FSTL5: variants seen among roughly 807,000 people sequenced by gnomAD.
FSTL5 encodes follistatin like 5, also known as follistatin-related protein 5.
FSTL5 carries 62 observed loss-of-function variants against 89.1 expected under a neutral mutation model. The observed-to-expected ratio is 0.70, with a 90% CI of 0.57 to 0.86. The LOEUF is 0.86. FSTL5 is among the 40% of genes least tolerant of loss of function. The pLI is 0.00. For missense variants in FSTL5, 1,057 were observed against 1,001.6 expected, an observed-to-expected ratio of 1.06 and a Z score of -0.75; for synonymous variants, 383 against 346.2, an observed-to-expected ratio of 1.11 and a Z score of -1.18.
chr4:161,563,565 T>C (rs891082390), intron 8 of FSTL5, among the ~76,000 whole-genome samples: 1 of 151,938 alleles, frequency 6.6e-6, no homozygotes, highest in Admixed American at 6.6e-5. Context: ...TTCTTTATTA[T>C]TATTTCTGCT....
intron 3 of FSTL5, among the ~76,000 whole-genome samples, chr4:161,965,610 A>G (rs1374981078): frequency 6.6e-6 from 1 of 152,100 alleles, no homozygotes; most frequent in Non-Finnish European, 1.5e-5. Flanking sequence ...CTACAAATCT[A>G]CAGTGGAAGC....
At chr4:162,131,103 T>C (rs562633856) in intron 1 of FSTL5, among the ~76,000 whole-genome samples, 1 of 152,334 alleles carries the variant, frequency 6.6e-6, no homozygotes, top group South Asian at 2.1e-4. Flanking sequence ...AATGGGTTTA[T>C]AGATCATTGT....
At chr4:161,995,063 A>G (rs1375698055) in intron 3 of FSTL5, among the ~76,000 whole-genome samples, 3 of 152,206 alleles carry the variant, frequency 2.0e-5, no homozygotes, top group South Asian at 2.1e-4. Flanking sequence ...ATTTTTGCAT[A>G]TGGTGTAAGG....
intron 5 of FSTL5, among the ~76,000 whole-genome samples, chr4:161,763,619 T>C (rs999991189): frequency 6.6e-6 from 1 of 152,164 alleles, no homozygotes; most frequent in South Asian, 2.1e-4. Context: ...AGGCAAGAAA[T>C]AGCAATTGTG....
chr4:161,840,341 A>T (rs1170338333), intron 4 of FSTL5, among the ~76,000 whole-genome samples: 2 of 152,104 alleles, frequency 1.3e-5, no homozygotes, highest in Admixed American at 6.6e-5. Context: ...TTACAAAGAA[A>T]CTCAGACTTG....
chr4:161,695,538 G>A (rs1738124170), intron 6 of FSTL5, among the ~76,000 whole-genome samples: 1 of 151,342 alleles, frequency 6.6e-6, no homozygotes, highest in Non-Finnish European at 1.5e-5. Context: ...CACTTGGGTT[G>A]GTTCCATGTT....
intron 6 of FSTL5, among the ~76,000 whole-genome samples, chr4:161,664,168 A>G (rs1482194788): frequency 2.0e-5 from 3 of 152,088 alleles, no homozygotes; most frequent in Non-Finnish European, 4.4e-5. Context: ...CATTTTCCCA[A>G]TTGTCTTTGG....
intron 15 of FSTL5, among the ~76,000 whole-genome samples, chr4:161,412,760 T>C (rs1191814328): frequency 6.6e-6 from 1 of 152,040 alleles, no homozygotes; most frequent in Non-Finnish European, 1.5e-5. Context: ...GAAATAAACC[T>C]ACACTCCTAC....
At chr4:161,915,701 C>T (rs1733819012) in intron 4 of FSTL5, among the ~76,000 whole-genome samples, 2 of 152,054 alleles carry the variant, frequency 1.3e-5, no homozygotes, top group Non-Finnish European at 2.9e-5. Flanking sequence ...ATTTTATCTA[C>T]ATTTCTTATT....
intron 6 of FSTL5, among the ~76,000 whole-genome samples, chr4:161,682,914 T>C (rs1737574130): frequency 6.6e-6 from 1 of 152,046 alleles, no homozygotes; most frequent in South Asian, 2.1e-4. Flanking sequence ...ACCTAGCTAA[T>C]TTTTGTATTT....
chr4:161,481,545 T>C (rs961877436), intron 12 of FSTL5, among the ~76,000 whole-genome samples: 1 of 152,220 alleles, frequency 6.6e-6, no homozygotes, highest in Non-Finnish European at 1.5e-5. Flanking sequence ...TTCCGAGTTT[T>C]ACACAACATT....
intron 3 of FSTL5, among the ~76,000 whole-genome samples, chr4:161,966,352 G>A (rs894500765): frequency 2.0e-5 from 3 of 151,776 alleles, no homozygotes; most frequent in Non-Finnish European, 4.4e-5. Flanking sequence ...AACACTAAAC[G>A]AATTACTCAG....
At position 162,114,595 on chromosome 4, in the gene FSTL5, T is replaced by A. The variant is rs114720556; in HGVS notation, c.-16-3183A>T. On this transcript the variant is annotated intron_variant, in intron 1 of 15. Transcript: ENST00000306100. ...ATTCTATATGACTACAAATATTTCA[T>A]GCATTATAAAATATAGAGCAAATTA... 7.3e-3 allele frequency among the ~76,000 whole-genome samples: 1,104 copies of A among 151,350 alleles called. 13 individuals carry two copies. The highest frequency in any genetic ancestry group is 0.025 in the African/African-American group (1,044 of 41,332).
chr4:161,479,460 C>A (rs1044856812), intron 13 of FSTL5, among the ~76,000 whole-genome samples: 1 of 151,942 alleles, frequency 6.6e-6, no homozygotes, highest in African/African-American at 2.4e-5. Flanking sequence ...ATTTAAAAAC[C>A]AGCCTGGTTA....
At chr4:161,735,671 G>A in intron 6 of FSTL5, among the ~76,000 whole-genome samples, 1 of 152,002 alleles carries the variant, frequency 6.6e-6, no homozygotes, top group South Asian at 2.1e-4. Flanking sequence ...ACTTTCATTT[G>A]TTATTAATGC....
intron 4 of FSTL5, among the ~76,000 whole-genome samples, chr4:161,804,971 A>G (rs1729912523): frequency 6.6e-6 from 1 of 152,056 alleles, no homozygotes; most frequent in Non-Finnish European, 1.5e-5. Flanking sequence ...CCCAGAATAC[A>G]TGCTCTTTTG....
At chr4:161,675,786 GCTAT>G (rs1206909084) in intron 6 of FSTL5, among the ~76,000 whole-genome samples, 12 of 151,708 alleles carry the variant, frequency 7.9e-5, no homozygotes, top group Admixed American at 2.6e-4. Context: ...CTAATGAGAC[GCTAT>G]CTGATAGAAA....
intron 4 of FSTL5, among the ~76,000 whole-genome samples, chr4:161,888,063 C>A (rs1348383146): frequency 2.8e-5 from 2 of 70,566 alleles, no homozygotes; most frequent in African/African-American, 7.8e-5. Context: ...ATAAAGGCCT[C>A]TTCCCTTTAT....
chr4:161,715,733 GCCT>G (rs1324665048), intron 6 of FSTL5, among the ~76,000 whole-genome samples: 1 of 152,108 alleles, frequency 6.6e-6, no homozygotes, highest in East Asian at 1.9e-4. Flanking sequence ...TCCTTCCTTA[GCCT>G]CCTGTGATGT....
Sources: allele counts gnomAD v4.1 joint callset (sites outside exome capture counted in the v4.1 genomes callset), GRCh38; gene constraint gnomAD v4.1.1; transcripts MANE v1.5; gene names NCBI Gene and HGNC (gene_info 2026-07-23, HGNC 2026-07-21).